Variants in CCBE1 observed in about 807,000 individuals in gnomAD.
CCBE1 encodes the protein collagen and calcium-binding EGF domain-containing protein 1.
In CCBE1, 37 loss-of-function variants were observed where a neutral mutation model predicts 50.0. That is an observed-to-expected ratio of 0.74 (90% CI 0.57 to 0.97). The LOEUF is 0.97. Ranked by LOEUF, CCBE1 falls within the 50% of genes least tolerant of loss-of-function variation. The pLI is 0.00. For missense variants in CCBE1, 538 were observed against 523.8 expected (o/e 1.03, Z -0.26); for synonymous variants, 234 against 203.7 (o/e 1.15, Z -1.27).
chr18:59,587,768 T>C (rs2053198877), intron 2 of CCBE1, among the ~76,000 whole-genome samples: 1 of 152,170 alleles, frequency 6.6e-6, no homozygotes, highest in African/African-American at 2.4e-5. Flanking sequence ...ACAGATAAGA[T>C]TATAAAACAG....
intron 2 of CCBE1, among the ~76,000 whole-genome samples, chr18:59,519,456 T>TA (rs1914507304): frequency 6.6e-6 from 1 of 152,234 alleles, no homozygotes; most frequent in Non-Finnish European, 1.5e-5. Context: ...CTGAATGAGC[T>TA]AGAAAATTGT....
Position 59,463,673 on chromosome 18 carries a change from C to T in CCBE1, c.553+3066G>A, listed in dbSNP as rs190639739. On this transcript the variant is annotated intron_variant, in intron 5 of 10. Transcript: ENST00000439986. ...CTCACAGGCAGGAACTCCTTGTGGG[C>T]GGGGCCAGGTCCTATTATTTCTATA... 2.3e-4 allele frequency among the ~76,000 whole-genome samples: 35 copies of T among 152,304 alleles called. No individual in the cohort carries two copies. The East Asian group carries it at 6.4e-3, about 28-fold the overall frequency.
At chr18:59,532,985 A>G (rs1540060) in intron 2 of CCBE1, among the ~76,000 whole-genome samples, 91,099 of 152,050 alleles carry the variant, frequency 0.6, 27,796 homozygotes, top group African/African-American at 0.69. Context: ...GAGTATGGAG[A>G]GTGAGGAACC....
chr18:59,480,364 G>A, intron 2 of CCBE1, 126 bp from the exon 3 acceptor site: 1 of 654,158 alleles, frequency 1.5e-6, no homozygotes, highest in Non-Finnish European at 2.7e-6. Flanking sequence ...AAGTAGGGGT[G>A]AAGTATTTTT....
At chr18:59,503,429 C>A (rs1484845783) in intron 2 of CCBE1, among the ~76,000 whole-genome samples, 1 of 152,198 alleles carries the variant, frequency 6.6e-6, no homozygotes, top group Admixed American at 6.5e-5. Context: ...GGTCACACAA[C>A]CTGTAAGTGA....
At chr18:59,627,046 C>T (rs1056952806) in intron 2 of CCBE1, among the ~76,000 whole-genome samples, 2 of 152,196 alleles carry the variant, frequency 1.3e-5, no homozygotes, top group African/African-American at 4.8e-5. Context: ...TTCTAGAGCT[C>T]AGTTTCCTTA....
intron 3 of CCBE1, among the ~76,000 whole-genome samples, chr18:59,470,920 C>A (rs951668085): frequency 8.5e-5 from 13 of 152,208 alleles, no homozygotes; most frequent in Non-Finnish European, 1.6e-4. Context: ...GAAAGCTGCC[C>A]TTGTAAAATA....
In CCBE1 at chr18:59,454,968, G is replaced by C; in HGVS notation, c.554-17C>G. The stretch of plus-strand genomic sequence containing the variant: ...TCTCATGGCCTGAGAAAGGAGATAG[G>C]CTCAGTCCTGTCTGGGAGGCTGGAT... On this transcript the variant is annotated splice_polypyrimidine_tract_variant and intron_variant, in intron 5 of 10. Transcript: ENST00000439986. 6.2e-7 allele frequency: 1 copy of C among 1,602,612 alleles called. No individual in the cohort carries two copies. The highest frequency in any genetic ancestry group is 8.5e-7 in the Non-Finnish European group (1 of 1,170,208).
intron 2 of CCBE1, among the ~76,000 whole-genome samples, chr18:59,535,554 G>A (rs1273942261): frequency 1.3e-5 from 2 of 152,174 alleles, no homozygotes; most frequent in East Asian, 1.9e-4. Flanking sequence ...TATGGGAGGG[G>A]ATGGGAAAAC....
rs1441701400 is a variant in CCBE1, at chr18:59,658,899, A to AC, written c.212+37729_212+37730insG. ...TGTCTCAAAAAAAAAAAAAAAAAAA[A>AC]AAAAAAACTGTTACCAGATATAATC... On this transcript the variant is annotated intron_variant, in intron 2 of 10. Transcript: ENST00000439986. Among the ~76,000 whole-genome samples, 1,073 of 149,336 alleles carry AC rather than the reference A, an allele frequency of 7.2e-3. 29 individuals carry two copies. Among genetic ancestry groups the AC allele is most frequent in the African/African-American group, 0.025 (1,015 of 39,876 alleles).
At chr18:59,625,387 C>T (rs147184874) in intron 2 of CCBE1, among the ~76,000 whole-genome samples, 4,896 of 145,718 alleles carry the variant, frequency 0.034, 282 homozygotes, top group African/African-American at 0.12. Context: ...GCCAAGATCG[C>T]GCCACTGCGC....
At chr18:59,547,067 G>C (rs3133204) in intron 2 of CCBE1, among the ~76,000 whole-genome samples, 34,622 of 103,794 alleles carry the variant, frequency 0.33, 7,988 homozygotes, top group African/African-American at 0.5. Flanking sequence ...GAGAGGGGGA[G>C]AGAGGGGGAG....
chr18:59,518,844 A>G (rs1237039319), intron 2 of CCBE1, among the ~76,000 whole-genome samples: 4 of 152,160 alleles, frequency 2.6e-5, no homozygotes, highest in Non-Finnish European at 5.9e-5. Flanking sequence ...GAGAAACAGG[A>G]AAGTGCCTGG....
At chr18:59,439,141 G>A (rs773615830) in intron 9 of CCBE1, among the ~76,000 whole-genome samples, 19 of 152,236 alleles carry the variant, frequency 1.2e-4, no homozygotes, top group Middle Eastern at 3.4e-3. Flanking sequence ...AAAAAAATTA[G>A]CCAGGTGTGG....
At chr18:59,588,523 A>T (rs890026100) in intron 2 of CCBE1, among the ~76,000 whole-genome samples, 2 of 152,088 alleles carry the variant, frequency 1.3e-5, no homozygotes, top group Non-Finnish European at 2.9e-5. Context: ...CTTGATTTTG[A>T]TCCTCATATA....
intron 2 of CCBE1, among the ~76,000 whole-genome samples, chr18:59,552,682 G>A (rs891512633): frequency 2.0e-5 from 3 of 152,222 alleles, no homozygotes; most frequent in Admixed American, 6.5e-5. Flanking sequence ...ATAAAAAAGG[G>A]AAATACCTGG....
intron 2 of CCBE1, among the ~76,000 whole-genome samples, chr18:59,558,129 C>T (rs1235826190): frequency 1.3e-5 from 2 of 152,194 alleles, no homozygotes; most frequent in Non-Finnish European, 2.9e-5. Flanking sequence ...ACATCATTCG[C>T]AATTCGCTAG....
chr18:59,460,896 C>T (rs1167003687), intron 5 of CCBE1, among the ~76,000 whole-genome samples: 3 of 151,324 alleles, frequency 2.0e-5, no homozygotes, highest in Admixed American at 6.6e-5. Context: ...TATCGCGCCA[C>T]TGCACTCCAG....
At chr18:59,593,092 G>C (rs777959444) in intron 2 of CCBE1, among the ~76,000 whole-genome samples, 6 of 152,210 alleles carry the variant, frequency 3.9e-5, no homozygotes, top group Admixed American at 6.5e-5. Context: ...TTAGGACATG[G>C]AGGGACATCT....
Sources: gnomAD v4.1 joint callset for allele counts (sites outside exome capture counted in the v4.1 genomes callset) on GRCh38, gnomAD v4.1.1 for gene constraint, MANE v1.5 for transcripts, NCBI Gene and HGNC (gene_info 2026-07-23, HGNC 2026-07-21) for gene names.